Variants in SUN1 observed in about 807,000 individuals in gnomAD.
SUN1 encodes Sad1 and UNC84 domain containing 1.
In SUN1, 61 loss-of-function variants were observed where a neutral mutation model predicts 103.2. The observed-to-expected ratio is 0.59, with a 90% CI of 0.48 to 0.73. The LOEUF (loss-of-function observed/expected upper bound fraction) is 0.73, where lower values mean the gene tolerates loss of function less well. Among genes scored for constraint, SUN1 ranks in the 30% least tolerant of loss-of-function variants. SUN1 has a pLI of 0.00. For missense variants in SUN1, 1,052 were observed against 1,034.6 expected (o/e 1.02, Z -0.23); for synonymous variants, 490 against 425.7 (o/e 1.15, Z -1.86).
At chr7:872,075 C>G (rs566316512) in intron 17 of SUN1, among the ~76,000 whole-genome samples, 2 of 152,320 alleles carry the variant, frequency 1.3e-5, no homozygotes, top group African/African-American at 4.8e-5. Flanking sequence ...GGCCCCTCCT[C>G]CTGCTGGTGA....
rs544208812 is a variant in SUN1 at position 852,924 on chromosome 7, C to A, written c.1025C>A (p.Thr342Lys). 2.5e-6 allele frequency: 4 copies of A among 1,613,694 alleles called. No individual in the cohort carries two copies. The African/African-American group carries it at 4.0e-5, about 16-fold the overall frequency. ...VDDPQDVFKPTTSRLKQPLQG... is the reference protein window; with the variant it reads ...VDDPQDVFKPKTSRLKQPLQG... ...GACCCCCAGGACGTGTTTAAACCCA[C>A]GACTTCTCGCCTGAAGCAGCCTCTG... is the stretch of plus-strand genomic sequence containing the variant. Residue 342 changes from threonine to lysine, a missense_variant, in exon 9 of 19, where the codon ACG becomes AAG. Physicochemically the swap from Thr to Lys is moderately conservative, Grantham distance 78. Coordinates refer to ENST00000401592, the MANE Select transcript of SUN1 (RefSeq NM_001130965.3).
At chr7:841,682 A>C in intron 2 of SUN1, 1 of 393,410 alleles carries the variant, frequency 2.5e-6, no homozygotes, top group Non-Finnish European at 4.6e-6. Flanking sequence ...AGTTTATTTT[A>C]GCTTTTAACC....
At chr7:851,590 T>C in intron 6 of SUN1, 108 bp downstream of exon 6, 1 of 985,876 alleles carries the variant, frequency 1.0e-6, no homozygotes, top group Non-Finnish European at 1.5e-6. Flanking sequence ...GCTCTCATGC[T>C]TTGACCCTTG....
chr7:817,081 T>C (rs1781269266), intron 1 of SUN1, among the ~76,000 whole-genome samples: 1 of 151,792 alleles, frequency 6.6e-6, no homozygotes, highest in Admixed American at 6.5e-5. Context: ...CGTTGCGGGG[T>C]CCCAGCCCCT....
Position 852,072 on chromosome 7 carries a change from G to A in SUN1, c.851+29G>A, listed in dbSNP as rs773630321. On this transcript the variant is annotated intron_variant, in intron 7 of 18. Transcript: ENST00000401592. The stretch of plus-strand genomic sequence containing the variant: ...AGGAAATGGATATCATGTCAGCGTG[G>A]TGCTTTAAGGAACCAATTTTGTGCC... 3 of 1,604,774 alleles carry A rather than the reference G, an allele frequency of 1.9e-6. No individual in the cohort carries two copies. The East Asian group carries it at 6.7e-5, about 36-fold the overall frequency.
chr7:849,344 G>A (rs919229194), intron 5 of SUN1, among the ~76,000 whole-genome samples: 2 of 152,190 alleles, frequency 1.3e-5, no homozygotes, highest in African/African-American at 4.8e-5. Context: ...GTCTCTTCTC[G>A]TGGCCCGGGC....
chr7:816,635 G>C (rs1240577703), exon 1 of SUN1: 1 of 358,726 alleles, frequency 2.8e-6, no homozygotes, highest in African/African-American at 2.3e-5. Context: ...CTCGGGCCTG[G>C]GCGGCGCAGA....
chr7:849,932 G>GT, intron 5 of SUN1: 1 of 1,597,436 alleles, frequency 6.3e-7, no homozygotes. Context: ...GGCGACGACT[G>GT]TAAGGGCAAG....
chr7:825,081 C>T (rs1172280042), intron 1 of SUN1, among the ~76,000 whole-genome samples: 7 of 150,136 alleles, frequency 4.7e-5, no homozygotes, highest in African/African-American at 1.5e-4. Flanking sequence ...TTTTTTTAGG[C>T]GGAGTCTTGC....
In SUN1 at chr7:858,073, C is replaced by T. The variant is rs1585028349; in HGVS notation, c.1524+116C>T. ...TTTATTTATTTATTTATTTTTGAAA[C>T]CGAGTCTTGCTGTGGCACGCAGGCT... On this transcript the variant is annotated intron_variant, in intron 13 of 18. Transcript: ENST00000401592. 3.1e-6 allele frequency: 4 copies of T among 1,272,594 alleles called. No homozygotes were observed. The East Asian group carries it at 8.4e-5, about 27-fold the overall frequency. 78.8% of individuals were successfully genotyped at this position (1,272,594 alleles called of 1,614,324 possible).
At chr7:872,973 G>A (rs1053936578) in intron 18 of SUN1, among the ~76,000 whole-genome samples, 1 of 152,206 alleles carries the variant, frequency 6.6e-6, no homozygotes, top group Non-Finnish European at 1.5e-5. Flanking sequence ...TGTAATCCCA[G>A]CTACTCAGGA....
intron 1 of SUN1, among the ~76,000 whole-genome samples, chr7:820,072 A>G (rs576650694): frequency 7.2e-5 from 11 of 152,354 alleles, no homozygotes; most frequent in South Asian, 4.1e-4. Flanking sequence ...TTGCAGTTCC[A>G]TATGAATTTA....
Position 848,660 on chromosome 7 carries a change from C to T in SUN1, c.659-2724C>T, listed in dbSNP as rs544358963. The T allele has an allele frequency of 1.9e-5, 24 of 1,268,644 alleles. No individual in the cohort carries two copies. In the Admixed American group the frequency reaches 3.2e-4, roughly 17 times the overall value. The allele number at this position is 1,268,644 out of a possible 1,614,324, so 78.6% of individuals were successfully genotyped here. ...CTCCTTTTTCCACCAATCACACTTT[C>T]GCAGTGGAGAAAGTGCTGTGACTTT... On this transcript the variant is annotated intron_variant, in intron 5 of 18. Coordinates refer to ENST00000401592, the MANE Select transcript of SUN1 (RefSeq NM_001130965.3).
intron 1 of SUN1, among the ~76,000 whole-genome samples, chr7:837,882 A>G (rs891114385): frequency 3.9e-5 from 6 of 152,366 alleles, no homozygotes; most frequent in Admixed American, 1.3e-4. Flanking sequence ...ATTCTGCTAG[A>G]AACAAACCCT....
intron 1 of SUN1, among the ~76,000 whole-genome samples, chr7:838,198 G>A (rs776173167): frequency 6.6e-6 from 1 of 152,190 alleles, no homozygotes; most frequent in Non-Finnish European, 1.5e-5. Flanking sequence ...GATTGCAGGC[G>A]TGAACCACTG....
chr7:843,817 C>T (rs1315701635), intron 5 of SUN1: 2 of 1,408,804 alleles, frequency 1.4e-6, no homozygotes, highest in Non-Finnish European at 1.8e-6. Flanking sequence ...CTTTCAGATG[C>T]ACACCTTTAT....
At chr7:821,481 C>T (rs888755402) in intron 1 of SUN1, among the ~76,000 whole-genome samples, 29 of 152,108 alleles carry the variant, frequency 1.9e-4, no homozygotes, top group African/African-American at 6.0e-4. Context: ...TTTCAAAGAA[C>T]GCTGATATTT....
chr7:871,328 C>T (rs1400733344), intron 17 of SUN1, among the ~76,000 whole-genome samples: 3 of 152,168 alleles, frequency 2.0e-5, no homozygotes, highest in African/African-American at 4.8e-5. Flanking sequence ...CATTCTGTTA[C>T]AGACATACTT....
At chr7:824,071 AGACCAGACAT>A (rs1462293509) in intron 1 of SUN1, among the ~76,000 whole-genome samples, 1 of 152,210 alleles carries the variant, frequency 6.6e-6, no homozygotes, top group Non-Finnish European at 1.5e-5. Flanking sequence ...GGGAAGGGAA[AGACCAGACAT>A]GGTGTGGCCA....
Sources: gnomAD v4.1 joint callset for allele counts (sites outside exome capture counted in the v4.1 genomes callset) on GRCh38, gnomAD v4.1.1 for gene constraint, MANE v1.5 for transcripts, NCBI Gene and HGNC (gene_info 2026-07-23, HGNC 2026-07-21) for gene names.